Variants in CAMTA1 observed in about 807,000 individuals in gnomAD.
The protein encoded by CAMTA1 is calmodulin-binding transcription activator 1.
In CAMTA1, 27 loss-of-function variants were observed where a neutral mutation model predicts 170.9. That is an observed-to-expected ratio of 0.16 (90% CI 0.12 to 0.22). The LOEUF is 0.22. Among genes scored for constraint, CAMTA1 ranks in the 10% least tolerant of loss-of-function variants. The pLI, the probability that CAMTA1 is intolerant of heterozygous loss-of-function variation, is 1.00. For missense variants in CAMTA1, 1,619 were observed against 2,217.2 expected (o/e 0.73, Z 5.42); for synonymous variants, 833 against 891.5 (o/e 0.93, Z 1.17).
chr1:7,494,466 G>A (rs1334401291), intron 6 of CAMTA1, among the ~76,000 whole-genome samples: 1 of 152,150 alleles, frequency 6.6e-6, no homozygotes, highest in African/African-American at 2.4e-5. Context: ...CCATGAGCGG[G>A]AAGCCAAGAG....
chr1:7,338,316 G>A (rs1017383124), intron 5 of CAMTA1, among the ~76,000 whole-genome samples: 6 of 152,140 alleles, frequency 3.9e-5, no homozygotes, highest in African/African-American at 1.4e-4. Flanking sequence ...GTCATGCCAG[G>A]TAACAAGGGA....
At chr1:7,233,874 C>T (rs568175147) in intron 4 of CAMTA1, among the ~76,000 whole-genome samples, 3 of 152,230 alleles carry the variant, frequency 2.0e-5, no homozygotes, top group South Asian at 4.2e-4. Flanking sequence ...TTCAAGGGGC[C>T]GGGGAGGTGG....
intron 4 of CAMTA1, among the ~76,000 whole-genome samples, chr1:7,225,768 C>T (rs1661591018): frequency 2.0e-5 from 3 of 152,214 alleles, no homozygotes; most frequent in Admixed American, 6.5e-5. Flanking sequence ...GTTCCCTCGA[C>T]AGTGGCATTT....
rs1007330620 is a variant in CAMTA1, at chr1:7,681,905, G to A, written c.2914+4172G>A. ...TGGGTCCCTAGAAGAGAAGGTGAGC[G>A]GAATTTTTGTGTGCCTCTTTCTTGT... On this transcript the variant is annotated intron_variant, in intron 11 of 22. Coordinates refer to ENST00000303635, the MANE Select transcript of CAMTA1 (RefSeq NM_015215.4). The surrounding 1 kb of genome is among the most constrained non-coding windows in gnomAD (Gnocchi z 4.6). Among the ~76,000 whole-genome samples, 36 of 152,128 alleles carry A rather than the reference G, an allele frequency of 2.4e-4. No homozygotes were observed. The highest frequency in any genetic ancestry group is 8.2e-4 in the African/African-American group (34 of 41,406).
intron 4 of CAMTA1, among the ~76,000 whole-genome samples, chr1:7,121,681 T>C (rs1644649594): frequency 6.6e-6 from 1 of 152,224 alleles, no homozygotes; most frequent in Non-Finnish European, 1.5e-5. Context: ...GCTCTTCCAC[T>C]GTGCCTGCTG....
intron 4 of CAMTA1, among the ~76,000 whole-genome samples, chr1:7,126,746 T>G (rs1644951727): frequency 6.6e-6 from 1 of 152,204 alleles, no homozygotes; most frequent in Admixed American, 6.5e-5. Flanking sequence ...CCCATGCTTT[T>G]CTGTCGCTGC....
intron 9 of CAMTA1, among the ~76,000 whole-genome samples, chr1:7,670,201 C>T (rs959071205): frequency 6.6e-6 from 1 of 152,164 alleles, no homozygotes; most frequent in Admixed American, 6.5e-5. Context: ...GACTCAAGGA[C>T]CTTTGATAGC....
At chr1:6,805,132 A>G (rs180944403) in intron 1 of CAMTA1, among the ~76,000 whole-genome samples, 4 of 152,340 alleles carry the variant, frequency 2.6e-5, no homozygotes, top group Admixed American at 2.6e-4. Flanking sequence ...AGATCATATT[A>G]CATTCCCACC....
At chr1:7,531,777 A>T (rs1468640817) in intron 6 of CAMTA1, among the ~76,000 whole-genome samples, 1 of 152,188 alleles carries the variant, frequency 6.6e-6, no homozygotes, top group Admixed American at 6.5e-5. Flanking sequence ...CAGTCCTTCC[A>T]TGCCGTGCCT....
intron 3 of CAMTA1, among the ~76,000 whole-genome samples, chr1:7,079,538 C>T (rs1460545251): frequency 1.3e-5 from 2 of 151,972 alleles, no homozygotes; most frequent in Non-Finnish European, 2.9e-5. Flanking sequence ...AGTGGTCAGT[C>T]TTGGCTCACT....
rs1654239659 is a variant in CAMTA1 at position 6,838,561 on chromosome 1, A to G, written c.234+13351A>G. Among the ~76,000 whole-genome samples the G allele has an allele frequency of 2.0e-5, 3 of 152,172 alleles. No individual in the cohort carries two copies. In the South Asian group the frequency reaches 6.2e-4, roughly 32 times the overall value. ...TGAAGTGAACAATTTCTAATTATGT[A>G]TCTTCAGATTTTTTTCTTTCAGATT... is the stretch of plus-strand genomic sequence containing the variant. On this transcript the variant is annotated intron_variant, in intron 3 of 22. Coordinates refer to ENST00000303635, the MANE Select transcript of CAMTA1 (RefSeq NM_015215.4).
intron 7 of CAMTA1, among the ~76,000 whole-genome samples, chr1:7,644,673 G>T (rs1027131971): frequency 6.6e-6 from 1 of 152,232 alleles, no homozygotes; most frequent in South Asian, 2.1e-4. Flanking sequence ...TGGAGGGTGA[G>T]TTCCTTCCCT....
chr1:6,904,433 T>A (rs1177745359), intron 3 of CAMTA1, among the ~76,000 whole-genome samples: 1 of 152,220 alleles, frequency 6.6e-6, no homozygotes, highest in African/African-American at 2.4e-5. Flanking sequence ...TCTTTTCTTT[T>A]ACTAAGAGCT....
At chr1:6,941,120 C>T (rs1004501690) in intron 3 of CAMTA1, among the ~76,000 whole-genome samples, 3 of 152,032 alleles carry the variant, frequency 2.0e-5, no homozygotes, top group Non-Finnish European at 2.9e-5. Flanking sequence ...TGAGGTTCGC[C>T]GACTTCCAGT....
chr1:7,120,659 G>C (rs1387601186), intron 4 of CAMTA1, among the ~76,000 whole-genome samples: 1 of 152,172 alleles, frequency 6.6e-6, no homozygotes, highest in Non-Finnish European at 1.5e-5. Flanking sequence ...CAAGAGGTAG[G>C]GATAACGCAG....
chr1:7,584,340 G>A (rs868120585), intron 6 of CAMTA1, among the ~76,000 whole-genome samples: 1 of 151,950 alleles, frequency 6.6e-6, no homozygotes, highest in African/African-American at 2.4e-5. Context: ...CAAGGGTCGG[G>A]GGCTTCCGGC....
At chr1:7,353,719 G>A (rs1173023696) in intron 5 of CAMTA1, among the ~76,000 whole-genome samples, 1 of 151,962 alleles carries the variant, frequency 6.6e-6, no homozygotes, top group African/African-American at 2.4e-5. Flanking sequence ...CCACCGTGCT[G>A]GGCCTGAACT....
At chr1:7,412,890 T>A (rs1287162727) in intron 5 of CAMTA1, among the ~76,000 whole-genome samples, 2 of 152,220 alleles carry the variant, frequency 1.3e-5, no homozygotes, top group East Asian at 1.9e-4. Flanking sequence ...TGCTTTTAGG[T>A]CTAACATGTA....
chr1:7,022,030 CA>C (rs1375785509), intron 3 of CAMTA1, among the ~76,000 whole-genome samples: 4 of 152,206 alleles, frequency 2.6e-5, no homozygotes, highest in Non-Finnish European at 5.9e-5. Flanking sequence ...CGCAGCTGGT[CA>C]GGGGCAAAGC....
Sources: allele counts gnomAD v4.1 joint callset (sites outside exome capture counted in the v4.1 genomes callset), GRCh38; gene constraint gnomAD v4.1.1; non-coding constraint Gnocchi (gnomAD v3.1); transcripts MANE v1.5; gene names NCBI Gene and HGNC (gene_info 2026-07-23, HGNC 2026-07-21).